Variants in ACVR1B observed in about 807,000 individuals in gnomAD.
The protein encoded by ACVR1B is activin A receptor type 1B.
In ACVR1B, 15 loss-of-function variants were observed where a neutral mutation model predicts 55.6. That is an observed-to-expected ratio of 0.27 (90% CI 0.18 to 0.42). The LOEUF is 0.42. Among genes scored for constraint, ACVR1B ranks in the 10% least tolerant of loss-of-function variants. ACVR1B has a pLI of 1.00. For synonymous variants in ACVR1B, 247 were observed against 254.6 expected, an observed-to-expected ratio of 0.97 and a Z score of 0.28; for missense variants, 359 against 670.1, an observed-to-expected ratio of 0.54 and a Z score of 5.13.
rs1405152762 is a variant in ACVR1B at position 51,994,676 on chromosome 12, G to C, written c.*566G>C. 1 of 154,010 alleles carries C rather than the reference G, an allele frequency of 6.5e-6. No individual in the cohort carries two copies. Among genetic ancestry groups the C allele is most frequent in the Non-Finnish European group, 1.4e-5 (1 of 69,094 alleles). The allele number at this position is 154,010 out of a possible 1,614,324, so 9.5% of individuals were successfully genotyped here. ...TCCAGCCGTGTGTGCATGTGCCGAG[G>C]TGCGTCCCCCGTTGTGCCTGGTTCG... On this transcript the variant is annotated 3_prime_UTR_variant, in exon 9 of 9. Coordinates refer to ENST00000257963, the MANE Select transcript of ACVR1B (RefSeq NM_004302.5). The surrounding 1 kb of genome is among the most constrained non-coding windows in gnomAD (Gnocchi z 4.2).
intron 6 of ACVR1B, among the ~76,000 whole-genome samples, chr12:51,986,351 C>G (rs899367914): frequency 6.6e-6 from 1 of 152,200 alleles, no homozygotes; most frequent in Admixed American, 6.5e-5. Context: ...CTCCGCCTCC[C>G]GGGTTCAAGT....
Position 51,993,994 on chromosome 12 carries a change from G to T in ACVR1B, c.1402G>T (p.Val468Leu), listed in dbSNP as rs768719012. 1.2e-6 allele frequency: 2 copies of T among 1,614,048 alleles called. No individual in the cohort carries two copies. The highest frequency in any genetic ancestry group is 1.7e-5 in the Admixed American group (1 of 60,030). ...NWWQSYEALR[V>L]MGKMMRECWY... ...CTGGGTCTCTGCACAGGCACTGCGG[G>T]TGATGGGGAAGATGATGCGAGAGTG... Residue 468 changes from valine to leucine, a missense_variant, in exon 9 of 9, where the codon GTG becomes TTG. Physicochemically the swap from Val to Leu is conservative, Grantham distance 32. Around this residue, in one of 5 missense-constraint regions of ACVR1B, gnomAD observed 53 missense variants for 78.5 expected, o/e 0.68. Coordinates refer to ENST00000257963, the MANE Select transcript of ACVR1B (RefSeq NM_004302.5).
intron 2 of ACVR1B, 93 bp from the exon 3 acceptor site, chr12:51,976,234 G>T: frequency 2.1e-6 from 3 of 1,458,452 alleles, no homozygotes; most frequent in Non-Finnish European, 2.8e-6. Context: ...AGGGAAAGGG[G>T]TCTTTTTCAC....
At chr12:51,980,940 C>G in intron 3 of ACVR1B, 29 bp from the exon 4 acceptor site, 1 of 1,552,616 alleles carries the variant, frequency 6.4e-7, no homozygotes, top group Non-Finnish European at 8.7e-7. Context: ...TTTGCAATGT[C>G]AGGTTTCTTC....
rs1343847033 is a variant in ACVR1B, at chr12:51,987,064, A to G, written c.1261+122A>G. 10 of 1,374,916 alleles carry G rather than the reference A, an allele frequency of 7.3e-6. No homozygotes were observed. In the East Asian group the frequency reaches 9.2e-5, roughly 13 times the overall value. 85.2% of individuals were successfully genotyped at this position (1,374,916 alleles called of 1,614,324 possible). A position where few individuals can be genotyped will look rare whatever the true frequency, so the allele number is the denominator to read the frequency against. On this transcript the variant is annotated intron_variant, in intron 7 of 8. Coordinates refer to ENST00000257963, the MANE Select transcript of ACVR1B (RefSeq NM_004302.5). The stretch of plus-strand genomic sequence containing the variant: ...GATGCCTGTTGCCAGAGCCTGAATC[A>G]TCGTTTAAGGTTGCCATCAAAGGTG...
At chr12:51,992,649 G>C (rs890880437) in intron 8 of ACVR1B, among the ~76,000 whole-genome samples, 1 of 152,222 alleles carries the variant, frequency 6.6e-6, no homozygotes, top group Non-Finnish European at 1.5e-5. Flanking sequence ...AGAGTGAGGA[G>C]GAGGTGTCCA....
chr12:51,975,724 T>G (rs888543149), intron 2 of ACVR1B, among the ~76,000 whole-genome samples: 1 of 152,070 alleles, frequency 6.6e-6, no homozygotes, highest in Admixed American at 6.5e-5. Context: ...GCCCGCAGTG[T>G]TTAGAGTAGT....
intron 1 of ACVR1B, among the ~76,000 whole-genome samples, chr12:51,963,552 A>G (rs1941580266): frequency 6.6e-6 from 1 of 152,228 alleles, no homozygotes; most frequent in Non-Finnish European, 1.5e-5. Context: ...TTTCATATAC[A>G]TAGAATCTTA....
chr12:51,985,369 G>C, intron 6 of ACVR1B, 21 bp downstream of exon 6: 2 of 1,595,418 alleles, frequency 1.3e-6, no homozygotes, highest in Non-Finnish European at 1.7e-6. Context: ...CTGGGACTCT[G>C]CCCTTGCTAA....
Position 51,993,991 on chromosome 12 carries a change from C to T in ACVR1B, c.1399C>T (p.Arg467Trp), listed in dbSNP as rs1408456448. The part of the protein sequence containing the change: ...PNWWQSYEAL[R>W]VMGKMMRECW... ...CTCCTGGGTCTCTGCACAGGCACTG[C>T]GGGTGATGGGGAAGATGATGCGAGA... Residue 467 changes from arginine (R) to tryptophan (W), a missense_variant, in exon 9 of 9, where the codon CGG (arginine) becomes TGG (tryptophan). This residue lies in a region of ACVR1B where 53 missense variants were observed against 78.5 expected (regional missense o/e 0.68). Transcript: ENST00000257963. 4 of 1,613,828 alleles carry T rather than the reference C, an allele frequency of 2.5e-6. No individual in the cohort carries two copies. The highest frequency in any genetic ancestry group is 1.1e-5 in the South Asian group (1 of 91,072).
At chr12:51,979,935 A>C (rs568861652) in intron 3 of ACVR1B, among the ~76,000 whole-genome samples, 22 of 152,280 alleles carry the variant, frequency 1.4e-4, no homozygotes, top group Non-Finnish European at 2.5e-4. Context: ...CAAAAGTAGG[A>C]CAGGCGGACG....
intron 6 of ACVR1B, among the ~76,000 whole-genome samples, 180 bp downstream of exon 6, chr12:51,985,528 C>T (rs550501084): frequency 6.6e-6 from 1 of 152,372 alleles, no homozygotes; most frequent in South Asian, 2.1e-4. Context: ...ATCACTGCAT[C>T]TAACAGATAC....
chr12:51,963,031 C>A (rs528176063), intron 1 of ACVR1B, among the ~76,000 whole-genome samples: 30 of 152,222 alleles, frequency 2.0e-4, no homozygotes, highest in African/African-American at 7.0e-4. Context: ...GTTTGAAAAA[C>A]ACTGTAGTTT....
intron 1 of ACVR1B, among the ~76,000 whole-genome samples, chr12:51,963,018 A>T (rs943733957): frequency 2.6e-5 from 4 of 152,148 alleles, no homozygotes; most frequent in African/African-American, 4.8e-5. Context: ...CAGGAAGAAG[A>T]TAGTTTGAAA....
Position 51,984,079 on chromosome 12 carries a change from A to G in ACVR1B, c.892A>G (p.Thr298Ala). 6.2e-7 allele frequency: 1 copy of G among 1,614,218 alleles called. No individual in the cohort carries two copies. Among genetic ancestry groups the G allele is most frequent in the Non-Finnish European group, 8.5e-7 (1 of 1,180,054 alleles). ...CCTGTTTGATTATCTGAACCGGTAC[A>G]CAGTGACAATTGAGGGGATGATTAA... Reference protein sequence around the residue: ...GSLFDYLNRYTVTIEGMIKLA... With the variant: ...GSLFDYLNRYAVTIEGMIKLA... Residue 298 changes from threonine to alanine, a missense_variant, in exon 5 of 9, where the codon ACA (threonine) becomes GCA (alanine). Coordinates refer to ENST00000257963, the MANE Select transcript of ACVR1B (RefSeq NM_004302.5).
chr12:51,980,498 C>G (rs915938710), intron 3 of ACVR1B, among the ~76,000 whole-genome samples: 1 of 152,148 alleles, frequency 6.6e-6, no homozygotes, highest in Non-Finnish European at 1.5e-5. Context: ...ACCCATGGGC[C>G]GCACAGCACT....
rs1941723330 is a variant in ACVR1B at position 51,970,366 on chromosome 12, C to T, written c.92-4899C>T. On this transcript the variant is annotated intron_variant, in intron 1 of 8. Transcript: ENST00000257963. ...CCGCTTGTGAGCCCCTTAACTTCTCCGAGGCTTTACTATCCATAAAGTGAG... is the reference window on the plus strand; with the variant it reads ...CCGCTTGTGAGCCCCTTAACTTCTCTGAGGCTTTACTATCCATAAAGTGAG... Among the ~76,000 whole-genome samples the T allele has an allele frequency of 2.6e-5, 4 of 152,128 alleles. No individual in the cohort carries two copies. In the South Asian group the frequency reaches 6.2e-4, roughly 24 times the overall value.
intron 7 of ACVR1B, among the ~76,000 whole-genome samples, chr12:51,990,487 G>A (rs1942169840): frequency 6.6e-6 from 1 of 151,234 alleles, no homozygotes; most frequent in Admixed American, 6.6e-5. Context: ...ACTAATTTTT[G>A]TATTTTTTGT....
At chr12:51,981,657 C>A (rs940620047) in intron 4 of ACVR1B, among the ~76,000 whole-genome samples, 1 of 152,126 alleles carries the variant, frequency 6.6e-6, no homozygotes, top group Admixed American at 6.5e-5. Flanking sequence ...CATGGCAAAA[C>A]CCCATCTCTA....
Sources: gnomAD v4.1 joint callset for allele counts (sites outside exome capture counted in the v4.1 genomes callset) on GRCh38, gnomAD v4.1.1 for gene constraint, gnomAD v4.1.1 regional missense constraint, Gnocchi (gnomAD v3.1) non-coding constraint, MANE v1.5 for transcripts, NCBI Gene and HGNC (gene_info 2026-07-23, HGNC 2026-07-21) for gene names.